TASP1: variants seen among roughly 807,000 people sequenced by gnomAD.
TASP1 encodes threonine aspartase 1.
In TASP1, 16 loss-of-function variants were observed where a neutral mutation model predicts 56.6. The observed-to-expected ratio is 0.28, with a 90% confidence interval of 0.19 to 0.43. The LOEUF (loss-of-function observed/expected upper bound fraction) is 0.43. Among genes scored for constraint, TASP1 ranks in the 20% least tolerant of loss-of-function variants. The probability of loss-of-function intolerance (pLI) is 1.00; values close to 1 mark genes in which losing one functional copy is unlikely to be tolerated. For missense variants in TASP1, 393 were observed against 511.6 expected (o/e 0.77, Z 2.24); for synonymous variants, 179 against 184.2 (o/e 0.97, Z 0.23).
intron 4 of TASP1, among the ~76,000 whole-genome samples, chr20:13,606,127 G>A (rs2048140319): frequency 1.0e-5 from 1 of 97,434 alleles, no homozygotes; most frequent in Non-Finnish European, 1.9e-5. Flanking sequence ...GACTGCATGT[G>A]TGTGCGTGCG....
chr20:13,395,784 C>T (rs2041511444), intron 13 of TASP1, among the ~76,000 whole-genome samples: 2 of 151,806 alleles, frequency 1.3e-5, no homozygotes, highest in Non-Finnish European at 2.9e-5. Flanking sequence ...TCACTGCAAC[C>T]TCCACCCACC....
At chr20:13,437,235 T>C (rs2043036430) in intron 11 of TASP1, among the ~76,000 whole-genome samples, 6 of 152,140 alleles carry the variant, frequency 3.9e-5, no homozygotes, top group Admixed American at 3.9e-4. Context: ...GTCCAGCATA[T>C]AAACAGAACC....
chr20:13,533,549 T>G (rs772337591), intron 9 of TASP1, among the ~76,000 whole-genome samples: 2 of 152,160 alleles, frequency 1.3e-5, no homozygotes, highest in Admixed American at 6.6e-5. Flanking sequence ...GGTTATTTTC[T>G]AAAATGGCTG....
At chr20:13,261,867 GC>G in the TASP1 span, among the ~76,000 whole-genome samples, 1 of 152,190 alleles carries the variant, frequency 6.6e-6, no homozygotes, top group Non-Finnish European at 1.5e-5. Flanking sequence ...ATGTCCTTTG[GC>G]TTAATTTCCA....
chr20:13,335,569 G>A, the TASP1 span, among the ~76,000 whole-genome samples: 4 of 151,064 alleles, frequency 2.6e-5, no homozygotes, highest in Admixed American at 2.6e-4. Context: ...ATGAATGAAT[G>A]AAATCAAAAA....
At chr20:13,628,441 A>G (rs974422109) in intron 2 of TASP1, among the ~76,000 whole-genome samples, 14 of 152,232 alleles carry the variant, frequency 9.2e-5, no homozygotes, top group African/African-American at 2.9e-4. Flanking sequence ...TCCCAGGTCT[A>G]CTTTTAACTG....
At chr20:13,469,221 A>AT (rs1176310749) in intron 11 of TASP1, among the ~76,000 whole-genome samples, 1 of 152,196 alleles carries the variant, frequency 6.6e-6, no homozygotes, top group East Asian at 1.9e-4. Flanking sequence ...TTTAGTAGCT[A>AT]TTTTAAATGG....
intron 8 of TASP1, among the ~76,000 whole-genome samples, chr20:13,554,580 T>C (rs377764277): frequency 1.1e-4 from 17 of 152,086 alleles, no homozygotes; most frequent in East Asian, 7.7e-4. Flanking sequence ...ACACTTTAAA[T>C]TACAGGCATA....
At chr20:13,365,291 A>G in the TASP1 span, among the ~76,000 whole-genome samples, 1 of 152,180 alleles carries the variant, frequency 6.6e-6, no homozygotes, top group Non-Finnish European at 1.5e-5. Flanking sequence ...TATCCTAGAC[A>G]TTAGGAATTG....
chr20:13,511,526 C>T (rs1460647030), intron 10 of TASP1, among the ~76,000 whole-genome samples: 1 of 152,150 alleles, frequency 6.6e-6, no homozygotes, highest in East Asian at 1.9e-4. Flanking sequence ...ATCAAAACTA[C>T]ACCAATCCAA....
In TASP1 at chr20:13,439,459, G is replaced by C. The variant is rs558843192; in HGVS notation, c.986-4305C>G. Among the ~76,000 whole-genome samples, 14 of 152,214 alleles carry C rather than the reference G, an allele frequency of 9.2e-5. No homozygotes were observed. In the South Asian group the frequency reaches 2.9e-3, roughly 32 times the overall value. ...CTCATAGATGGGAATTGAACAATGA[G>C]AACACATGGACACAGGAAGGGGAAC... On this transcript the variant is annotated intron_variant, in intron 11 of 13. Coordinates refer to ENST00000337743, the MANE Select transcript of TASP1 (RefSeq NM_017714.3).
chr20:13,572,438 C>T (rs1417447949), intron 6 of TASP1, among the ~76,000 whole-genome samples: 1 of 152,174 alleles, frequency 6.6e-6, no homozygotes, highest in Admixed American at 6.5e-5. Context: ...AATCCCAACA[C>T]TTTGGGAGGC....
At chr20:13,480,366 TA>T (rs1222310387) in intron 11 of TASP1, among the ~76,000 whole-genome samples, 4 of 152,198 alleles carry the variant, frequency 2.6e-5, no homozygotes, top group Admixed American at 1.3e-4. Context: ...ATTTTTTAAA[TA>T]AAAGGCAGTG....
chr20:13,252,442 C>A, the TASP1 span, among the ~76,000 whole-genome samples: 1 of 152,130 alleles, frequency 6.6e-6, no homozygotes, highest in Non-Finnish European at 1.5e-5. Context: ...CATCAGAGAG[C>A]TTTTCAGTAT....
chr20:13,197,121 C>T, the TASP1 span, among the ~76,000 whole-genome samples: 33 of 152,310 alleles, frequency 2.2e-4, no homozygotes, highest in Admixed American at 2.0e-3. Context: ...ACTACATCCC[C>T]CTGGAGGCAG....
chr20:13,203,609 A>G, the TASP1 span, among the ~76,000 whole-genome samples: 1 of 152,240 alleles, frequency 6.6e-6, no homozygotes, highest in Non-Finnish European at 1.5e-5. Flanking sequence ...CAATTCGGAA[A>G]AGCAATTAAT....
At chr20:13,598,742 C>G (rs1197976776) in intron 4 of TASP1, among the ~76,000 whole-genome samples, 1 of 152,126 alleles carries the variant, frequency 6.6e-6, no homozygotes, top group African/African-American at 2.4e-5. Flanking sequence ...TCAGAGTGAA[C>G]AGGCAACCTA....
chr20:13,315,916 T>G, the TASP1 span, among the ~76,000 whole-genome samples: 3 of 151,852 alleles, frequency 2.0e-5, no homozygotes, highest in African/African-American at 7.2e-5. Context: ...AGAAAACATC[T>G]CAAGACAAAC....
chr20:13,255,235 C>T, the TASP1 span, among the ~76,000 whole-genome samples: 2 of 152,164 alleles, frequency 1.3e-5, no homozygotes, highest in Non-Finnish European at 2.9e-5. Context: ...AGAATGATGG[C>T]AACCTGGACT....
Sources: gnomAD v4.1 joint callset for allele counts (sites outside exome capture counted in the v4.1 genomes callset) on GRCh38, gnomAD v4.1.1 for gene constraint, MANE v1.5 for transcripts, NCBI Gene and HGNC (gene_info 2026-07-23, HGNC 2026-07-21) for gene names.